LARGE1: variants seen among roughly 807,000 people sequenced by gnomAD.
LARGE1 encodes the protein LARGE xylosyl- and glucuronyltransferase 1.
Under a neutral mutation model 87.6 loss-of-function variants are expected in LARGE1, and 43 were observed. That is an observed-to-expected ratio of 0.49 (90% CI 0.38 to 0.63). The LOEUF (loss-of-function observed/expected upper bound fraction) is 0.63, where lower values mean the gene tolerates loss of function less well. Among genes scored for constraint, LARGE1 ranks in the 30% least tolerant of loss-of-function variants. The pLI is 0.00. For missense variants in LARGE1, 802 were observed against 1,000.2 expected, an observed-to-expected ratio of 0.80 and a Z score of 2.67; for synonymous variants, 434 against 394.6, an observed-to-expected ratio of 1.10 and a Z score of -1.18.
chr22:33,712,881 A>C (rs2082778193), intron 2 of LARGE1, among the ~76,000 whole-genome samples: 1 of 152,110 alleles, frequency 6.6e-6, no homozygotes, highest in African/African-American at 2.4e-5. Flanking sequence ...TGCTCTGCAT[A>C]ATCTTTGTAC....
rs566039231 is a variant in LARGE1, at chr22:33,808,997, C to T, written c.-82-47439G>A. ...ATTAAAAAGCTCAGGTCCTGCCAGGCACAGTGGCTCACACCTGTAATCCCA... is the reference window on the plus strand; with the variant it reads ...ATTAAAAAGCTCAGGTCCTGCCAGGTACAGTGGCTCACACCTGTAATCCCA... On this transcript the variant is annotated intron_variant, in intron 1 of 14. Coordinates refer to ENST00000397394, the MANE Select transcript of LARGE1 (RefSeq NM_133642.5). Among the ~76,000 whole-genome samples, 470 of 145,182 alleles carry T rather than the reference C, an allele frequency of 3.2e-3. 7 individuals carry two copies. Among genetic ancestry groups the T allele is most frequent in the Non-Finnish European group, 2.7e-3 (181 of 67,042 alleles).
intron 3 of LARGE1, among the ~76,000 whole-genome samples, chr22:33,629,772 C>T (rs1216991831): frequency 6.6e-6 from 1 of 152,178 alleles, no homozygotes; most frequent in African/African-American, 2.4e-5. Flanking sequence ...CACAACTATT[C>T]AACATTCCTC....
chr22:33,209,939 A>G (rs962915883), intron 11 of LARGE1, among the ~76,000 whole-genome samples: 1 of 152,178 alleles, frequency 6.6e-6, no homozygotes, highest in South Asian at 2.1e-4. Context: ...ATGAGCCACC[A>G]CGCCCGGCTG....
chr22:33,741,924 T>A (rs2083899045), intron 2 of LARGE1, among the ~76,000 whole-genome samples: 1 of 151,994 alleles, frequency 6.6e-6, no homozygotes, highest in Admixed American at 6.6e-5. Flanking sequence ...TGGCTGAGGG[T>A]CCCAGCAGAA....
intron 11 of LARGE1, among the ~76,000 whole-genome samples, chr22:33,213,509 A>G (rs1288909699): frequency 6.6e-6 from 1 of 152,178 alleles, no homozygotes; most frequent in African/African-American, 2.4e-5. Context: ...GGCAAACTTC[A>G]TTGTTGTCTT....
intron 5 of LARGE1, among the ~76,000 whole-genome samples, chr22:33,581,105 A>G (rs998700691): frequency 2.0e-5 from 3 of 152,238 alleles, no homozygotes; most frequent in Non-Finnish European, 4.4e-5. Flanking sequence ...TTGTGAATTA[A>G]GCAAGTAAGG....
At chr22:33,396,234 C>A (rs1266703625) in intron 7 of LARGE1, among the ~76,000 whole-genome samples, 1 of 152,228 alleles carries the variant, frequency 6.6e-6, no homozygotes, top group Non-Finnish European at 1.5e-5. Context: ...AGAATCGCAA[C>A]CTTCCTCCCT....
intron 1 of LARGE1, among the ~76,000 whole-genome samples, chr22:33,807,611 A>G (rs950563980): frequency 6.6e-6 from 1 of 152,160 alleles, no homozygotes; most frequent in Non-Finnish European, 1.5e-5. Flanking sequence ...AATTACACAT[A>G]TCATACAGAG....
chr22:33,526,134 T>C (rs2148538005), intron 6 of LARGE1, among the ~76,000 whole-genome samples: 1 of 152,344 alleles, frequency 6.6e-6, no homozygotes, highest in East Asian at 1.9e-4. Flanking sequence ...TGCTACAATA[T>C]GGACTAACCT....
chr22:33,550,141 A>G (rs1472895873), intron 6 of LARGE1, among the ~76,000 whole-genome samples: 3 of 118,002 alleles, frequency 2.5e-5, no homozygotes, highest in African/African-American at 1.1e-4. Context: ...AACTTAAAGT[A>G]TACACACACA....
At chr22:33,187,921 CA>C (rs578115819) in intron 11 of LARGE1, among the ~76,000 whole-genome samples, 2 of 36,912 alleles carry the variant, frequency 5.4e-5, no homozygotes, top group Admixed American at 9.0e-4. Flanking sequence ...GACTCCGTCT[CA>C]AAAAAAAAAA....
At chr22:33,139,005 C>G in the LARGE1 span, among the ~76,000 whole-genome samples, 5 of 152,134 alleles carry the variant, frequency 3.3e-5, no homozygotes, top group African/African-American at 1.2e-4. Context: ...CTCACAAGAT[C>G]TGATGGTTTC....
At chr22:33,600,497 G>A (rs1316896962) in intron 5 of LARGE1, among the ~76,000 whole-genome samples, 1 of 152,170 alleles carries the variant, frequency 6.6e-6, no homozygotes, top group Non-Finnish European at 1.5e-5. Context: ...ATGTAACAAA[G>A]CAACCCCTAT....
chr22:33,785,137 A>G (rs925860945), intron 1 of LARGE1, among the ~76,000 whole-genome samples: 1 of 147,694 alleles, frequency 6.8e-6, no homozygotes, highest in Non-Finnish European at 1.5e-5. Flanking sequence ...ATATGTGTAT[A>G]CATACATATG....
chr22:33,159,759 T>C (rs1921964405), downstream of LARGE1, among the ~76,000 whole-genome samples: 1 of 151,904 alleles, frequency 6.6e-6, no homozygotes, highest in Non-Finnish European at 1.5e-5. Flanking sequence ...TAATTTTTTG[T>C]ATTTTTTTTA....
chr22:33,409,504 T>C (rs763926207), intron 7 of LARGE1, among the ~76,000 whole-genome samples: 9 of 152,196 alleles, frequency 5.9e-5, no homozygotes, highest in Non-Finnish European at 7.3e-5. Flanking sequence ...TAGCTGTTAC[T>C]TGACAGTCAG....
At chr22:33,672,111 T>G (rs2081432538) in intron 2 of LARGE1, among the ~76,000 whole-genome samples, 1 of 152,178 alleles carries the variant, frequency 6.6e-6, no homozygotes, top group Non-Finnish European at 1.5e-5. Context: ...AATCATCATG[T>G]ACACCCCTGG....
chr22:33,879,735 C>T (rs1046498490), intron 1 of LARGE1, among the ~76,000 whole-genome samples: 3 of 152,318 alleles, frequency 2.0e-5, no homozygotes, highest in African/African-American at 7.2e-5. Context: ...ATCCTGTACT[C>T]GCCATAGTGT....
At chr22:33,884,558 G>A (rs1428935497) in intron 1 of LARGE1, among the ~76,000 whole-genome samples, 1 of 152,236 alleles carries the variant, frequency 6.6e-6, no homozygotes, top group Non-Finnish European at 1.5e-5. Flanking sequence ...GAATCTGTGG[G>A]AGACCGGGCA....
Sources: gnomAD v4.1 joint callset for allele counts (sites outside exome capture counted in the v4.1 genomes callset) on GRCh38, gnomAD v4.1.1 for gene constraint, MANE v1.5 for transcripts, NCBI Gene and HGNC (gene_info 2026-07-23, HGNC 2026-07-21) for gene names.